CT45A9: variants seen among roughly 807,000 people sequenced by gnomAD.
The protein encoded by CT45A9 is cancer/testis antigen family 45 member A9, also known as cancer/testis antigen 45A9.
Position 135,868,015 on chromosome X carries a change from AAC to A in CT45A9, c.45_46del (p.Phe16Ter), listed in dbSNP as rs2088330828. On this transcript the variant is annotated frameshift_variant, in exon 2 of 5. Coordinates refer to ENST00000620704, the MANE Select transcript of CT45A9 (RefSeq NM_001291540.2). LOFTEE classifies it high-confidence loss of function. The stretch of plus-strand genomic sequence containing the variant: ...ACTGTCACATTCCCTGGGACGTTTA[AAC>A]ACAGTTTCAGGATCTACAGCCACCT... 2.6e-6 allele frequency: 2 copies of A among 760,559 alleles called. No homozygotes were observed. Among genetic ancestry groups the A allele is most frequent in the African/African-American group, 2.2e-5 (1 of 46,046 alleles). The allele number at this position is 760,559 out of a possible 1,213,427, so 62.7% of individuals were successfully genotyped here.
intron 1 of CT45A9, among the ~76,000 whole-genome samples, chrX:135,869,498 T>TTTC: frequency 3.9e-4 from 1 of 2,557 alleles, no homozygotes; most frequent in African/African-American, 8.6e-4. Context: ...CTTTTTTTTT[T>TTTC]TTTGAGTCGG....
chrX:135,867,337 TAGAGA>T (rs1556585130), intron 2 of CT45A9, among the ~76,000 whole-genome samples: 3 of 38,551 alleles, frequency 7.8e-5, no homozygotes, highest in East Asian at 1.4e-3. Context: ...TTACAGTATT[TAGAGA>T]AGAGAAGAAA....
chrX:135,867,720 T>C (rs2088328579), intron 2 of CT45A9, among the ~76,000 whole-genome samples, 173 bp downstream of exon 2: 1 of 113,921 alleles, frequency 8.8e-6, no homozygotes, highest in South Asian at 3.4e-4. Context: ...AAAAAAAGAT[T>C]GTCGGAAATG....
chrX:135,867,447 AG>A (rs1248882741), intron 2 of CT45A9, among the ~76,000 whole-genome samples: 7 of 99,695 alleles, frequency 7.0e-5, no homozygotes, highest in Admixed American at 4.3e-4. Flanking sequence ...GGATCACCTG[AG>A]GGGGGGAGTT....
intron 2 of CT45A9, among the ~76,000 whole-genome samples, chrX:135,867,649 G>C (rs1354857668): frequency 9.1e-6 from 1 of 109,448 alleles, no homozygotes. Flanking sequence ...TGAGAAGAGC[G>C]AAACTCCATC....
chrX:135,867,679 G>A (rs2088328195), intron 2 of CT45A9, among the ~76,000 whole-genome samples: 1 of 113,522 alleles, frequency 8.8e-6, no homozygotes, highest in Non-Finnish European at 1.9e-5. Flanking sequence ...AAATGATAGG[G>A]ATTCACCAAT....
chrX:135,863,568 A>AT lies in CT45A9; in HGVS notation c.*402dup, dbSNP rs2088304347. ...TTTGAGTCATCCTGCCAGGCCAAGC[A>AT]TCATGACCAACTGACATGCTATCTC... On this transcript the variant is annotated 3_prime_UTR_variant, in exon 5 of 5. Transcript: ENST00000620704. Among the ~76,000 whole-genome samples the AT allele has an allele frequency of 2.7e-5, 1 of 37,118 alleles. No individual in the cohort carries two copies. The highest frequency in any genetic ancestry group is 3.7e-4 in the Admixed American group (1 of 2,703). The allele number at this position is 37,118 out of a possible 115,157, so 32.2% of individuals were successfully genotyped here.
intron 2 of CT45A9, among the ~76,000 whole-genome samples, chrX:135,867,371 CAAT>C: frequency 1.3e-5 from 1 of 79,685 alleles, no homozygotes; most frequent in Non-Finnish European, 2.7e-5. Flanking sequence ...TAGAAAAAAA[CAAT>C]GATGGGGTCG....
At chrX:135,867,653 C>G (rs1329837696) in intron 2 of CT45A9, among the ~76,000 whole-genome samples, 2,146 of 91,147 alleles carry the variant, frequency 0.024, 7 homozygotes, top group Non-Finnish European at 0.026. Context: ...AAGAGCGAAA[C>G]TCCATCTCAA....
Position 135,863,465 on chromosome X carries a change from C to T in CT45A9, c.*506G>A, listed in dbSNP as rs1283614445. Among the ~76,000 whole-genome samples, 1 of 12,165 alleles carries T rather than the reference C, an allele frequency of 8.2e-5. No individual in the cohort carries two copies. Among genetic ancestry groups the T allele is most frequent in the African/African-American group, 2.1e-4 (1 of 4,787 alleles). The allele number at this position is 12,165 out of a possible 115,157, so 10.6% of individuals were successfully genotyped here. A position where few individuals can be genotyped will look rare whatever the true frequency, so the allele number is the denominator to read the frequency against. On this transcript the variant is annotated 3_prime_UTR_variant, in exon 5 of 5. Transcript: ENST00000620704. Reference sequence around the variant, plus strand: ...AGCTTCTTAGTCCTCCCGTGTTTTTCGATTAGAGTTAATGGAAAATCACAG... The same window carrying T: ...AGCTTCTTAGTCCTCCCGTGTTTTTTGATTAGAGTTAATGGAAAATCACAG...
At chrX:135,869,488 C>CTTTT (rs1243511771) in intron 1 of CT45A9, among the ~76,000 whole-genome samples, 2 of 1,019 alleles carry the variant, frequency 2.0e-3, no homozygotes, top group Admixed American at 0.016. Context: ...GAAGACATTA[C>CTTTT]TTTTTTTTTT....
intron 1 of CT45A9, among the ~76,000 whole-genome samples, chrX:135,869,502 GA>G (rs1384969826): frequency 4.5e-3 from 1 of 224 alleles, no homozygotes; most frequent in African/African-American, 0.01. Flanking sequence ...TTTTTTTTTT[GA>G]GTCGGAGCCT....
intron 2 of CT45A9, among the ~76,000 whole-genome samples, chrX:135,867,447 A>AG (rs1248882741): frequency 1.0e-5 from 1 of 99,710 alleles, no homozygotes; most frequent in African/African-American, 3.4e-5. Context: ...GGATCACCTG[A>AG]GGGGGGGAGT....
chrX:135,867,615 C>G (rs2088327254), intron 2 of CT45A9, among the ~76,000 whole-genome samples: 1 of 106,336 alleles, frequency 9.4e-6, no homozygotes, highest in Non-Finnish European at 2.0e-5. Context: ...GAGCCGAGAT[C>G]GCGCCACTGC....
chrX:135,869,501 T>TTG (rs1361737789), intron 1 of CT45A9, among the ~76,000 whole-genome samples: 1 of 2,339 alleles, frequency 4.3e-4, no homozygotes, highest in East Asian at 7.4e-3. Flanking sequence ...TTTTTTTTTT[T>TTG]GAGTCGGAGC....
At chrX:135,869,501 T>TTTG (rs1361737789) in intron 1 of CT45A9, among the ~76,000 whole-genome samples, 1 of 2,339 alleles carries the variant, frequency 4.3e-4, no homozygotes, top group African/African-American at 9.7e-4. Flanking sequence ...TTTTTTTTTT[T>TTTG]GAGTCGGAGC....
At chrX:135,869,488 CT>C (rs1243511771) in intron 1 of CT45A9, among the ~76,000 whole-genome samples, 2 of 1,019 alleles carry the variant, frequency 2.0e-3, no homozygotes, top group African/African-American at 3.6e-3. Context: ...GAAGACATTA[CT>C]TTTTTTTTTT....
Sources: gnomAD v4.1 joint callset for allele counts (sites outside exome capture counted in the v4.1 genomes callset) on GRCh38, gnomAD v4.1.1 for gene constraint, MANE v1.5 for transcripts, NCBI Gene and HGNC (gene_info 2026-07-23, HGNC 2026-07-21) for gene names.